NT5C2: variants seen among roughly 807,000 people sequenced by gnomAD.
NT5C2 encodes the protein 5'-nucleotidase, cytosolic II.
NT5C2 carries 58 observed loss-of-function variants against 76.1 expected under a neutral mutation model. That is an observed-to-expected ratio of 0.76 (90% CI 0.62 to 0.95). The LOEUF (loss-of-function observed/expected upper bound fraction) is 0.95, where lower values mean the gene tolerates loss of function less well. NT5C2 is among the 40% of genes least tolerant of loss of function. NT5C2 has a pLI of 0.00. For missense variants in NT5C2, 478 were observed against 690.3 expected (o/e 0.69, Z 3.45); for synonymous variants, 229 against 237.4 (o/e 0.96, Z 0.32).
Position 103,103,083 on chromosome 10 carries a change from G to A in NT5C2, c.390-1757C>T, listed in dbSNP as rs186923962. The stretch of plus-strand genomic sequence containing the variant: ...AAAACATTTCAGAGAAACTCAAAGG[G>A]AAAAATACTAAAATATAAAAATGCA... On this transcript the variant is annotated intron_variant, in intron 6 of 18. Coordinates refer to ENST00000404739, the MANE Select transcript of NT5C2 (RefSeq NM_001351169.2). Among the ~76,000 whole-genome samples, 9 of 152,218 alleles carry A rather than the reference G, an allele frequency of 5.9e-5. No homozygotes were observed. In the East Asian group the frequency reaches 1.7e-3, roughly 29 times the overall value.
intron 1 of NT5C2, among the ~76,000 whole-genome samples, chr10:103,184,716 G>A (rs996360070): frequency 6.6e-6 from 1 of 152,144 alleles, no homozygotes; most frequent in Non-Finnish European, 1.5e-5. Context: ...ATGAATCTTT[G>A]TGAAATCTTA....
intron 2 of NT5C2, among the ~76,000 whole-genome samples, chr10:103,178,666 A>ACTAAATACAAAAAATTAGCTGGG (rs1169842053): frequency 2.6e-5 from 4 of 151,556 alleles, no homozygotes; most frequent in Non-Finnish European, 5.9e-5. Context: ...CCCCGTCTCT[A>ACTAAATACAAAAAATTAGCTGGG]CTAAATACAA....
At chr10:103,155,120 T>C (rs2083094111) in intron 3 of NT5C2, among the ~76,000 whole-genome samples, 1 of 152,214 alleles carries the variant, frequency 6.6e-6, no homozygotes, top group South Asian at 2.1e-4. Flanking sequence ...AATGTCTGTG[T>C]GCCAGATACC....
chr10:103,184,118 A>G (rs779091541), intron 1 of NT5C2, among the ~76,000 whole-genome samples: 3 of 151,980 alleles, frequency 2.0e-5, no homozygotes, highest in Admixed American at 1.3e-4. Context: ...ACGCCCGGCT[A>G]ATTTTGTATT....
intron 3 of NT5C2, among the ~76,000 whole-genome samples, chr10:103,171,471 T>G (rs1293091133): frequency 6.6e-6 from 1 of 152,196 alleles, no homozygotes; most frequent in African/African-American, 2.4e-5. Context: ...CAGAAACAGC[T>G]AAGTGATTAA....
intron 3 of NT5C2, among the ~76,000 whole-genome samples, chr10:103,166,818 A>C (rs1394628861): frequency 6.6e-6 from 1 of 152,094 alleles, no homozygotes; most frequent in East Asian, 1.9e-4. Flanking sequence ...ATACTCAGCT[A>C]ATCTTTTTAC....
Position 103,095,977 on chromosome 10 carries a change from T to G in NT5C2, c.775A>C (p.Ile259Leu). Residue 259 changes from isoleucine to leucine, a missense_variant, in exon 12 of 19, where the codon ATT (isoleucine) becomes CTT (leucine). Transcript: ENST00000404739. Reference protein sequence around the residue: ...TNSDYKYTDKIMTYLFDFPHG... With the variant: ...TNSDYKYTDKLMTYLFDFPHG... ...GGGAAGTCAAACAGGTAAGTCATAA[T>G]TTTCTGGAAAAAAAAATTTAACATA... is the stretch of plus-strand genomic sequence containing the variant. 6.2e-7 allele frequency: 1 copy of G among 1,613,560 alleles called. No homozygotes were observed. Among genetic ancestry groups the G allele is most frequent in the Non-Finnish European group, 8.5e-7 (1 of 1,179,578 alleles).
chr10:103,159,930 A>G (rs1190028830), intron 3 of NT5C2, among the ~76,000 whole-genome samples: 2 of 152,190 alleles, frequency 1.3e-5, no homozygotes. Flanking sequence ...TCATATGGAT[A>G]TAGAAGGGCA....
intron 3 of NT5C2, among the ~76,000 whole-genome samples, chr10:103,156,677 C>T (rs2083464950): frequency 6.6e-6 from 1 of 151,534 alleles, no homozygotes; most frequent in Non-Finnish European, 1.5e-5. Flanking sequence ...ATCACTTGAA[C>T]CCAGGAGGCG....
intron 3 of NT5C2, among the ~76,000 whole-genome samples, chr10:103,163,221 G>A (rs527884682): frequency 1.3e-5 from 2 of 152,156 alleles, no homozygotes; most frequent in Non-Finnish European, 2.9e-5. Context: ...TCAGTTTTGA[G>A]CAATTATAAA....
chr10:103,182,131 A>G (rs1037097672), intron 1 of NT5C2, among the ~76,000 whole-genome samples: 11 of 152,316 alleles, frequency 7.2e-5, no homozygotes, highest in Admixed American at 3.9e-4. Context: ...GTCATTTTAC[A>G]TGTCTGTTTC....
chr10:103,189,682 AT>A (rs983180088), intron 1 of NT5C2, among the ~76,000 whole-genome samples: 114 of 146,224 alleles, frequency 7.8e-4, no homozygotes, highest in East Asian at 2.6e-3. Flanking sequence ...TGTTTACTGA[AT>A]TTTTTTTTTT....
At chr10:103,187,904 C>T (rs924346447) in intron 1 of NT5C2, among the ~76,000 whole-genome samples, 1 of 152,140 alleles carries the variant, frequency 6.6e-6, no homozygotes, top group Non-Finnish European at 1.5e-5. Flanking sequence ...AATATTTACA[C>T]TAAAATGAAT....
At chr10:103,149,835 C>T (rs1565189642) in intron 3 of NT5C2, among the ~76,000 whole-genome samples, 1 of 150,416 alleles carries the variant, frequency 6.6e-6, no homozygotes, top group African/African-American at 2.4e-5. Flanking sequence ...TGGCCTTTTA[C>T]CTAAACGACA....
intron 1 of NT5C2, among the ~76,000 whole-genome samples, chr10:103,189,740 C>T (rs2092461061): frequency 6.7e-6 from 1 of 150,160 alleles, no homozygotes; most frequent in South Asian, 2.1e-4. Flanking sequence ...ACGATATAGG[C>T]TCACTGCAAC....
chr10:103,186,032 C>T lies in NT5C2; in HGVS notation c.-168-4704G>A, dbSNP rs190546220. Reference sequence around the variant, plus strand: ...TTAACTCACTGACTTTTCAGAACAACCCTATATGTTAGGTACTATTATCCT... The same window carrying T: ...TTAACTCACTGACTTTTCAGAACAATCCTATATGTTAGGTACTATTATCCT... On this transcript the variant is annotated intron_variant, in intron 1 of 18. Coordinates refer to ENST00000404739, the MANE Select transcript of NT5C2 (RefSeq NM_001351169.2). Among the ~76,000 whole-genome samples, 82 of 152,262 alleles carry T rather than the reference C, an allele frequency of 5.4e-4. No homozygotes were observed. In the South Asian group the frequency reaches 0.01, roughly 19 times the overall value.
intron 4 of NT5C2, among the ~76,000 whole-genome samples, chr10:103,136,841 G>A (rs2079379828): frequency 6.6e-6 from 1 of 152,038 alleles, no homozygotes; most frequent in African/African-American, 2.4e-5. Flanking sequence ...GGGCAGGCTG[G>A]TCTCGAACTC....
intron 18 of NT5C2, chr10:103,090,270 T>A: frequency 5.8e-6 from 2 of 341,914 alleles, no homozygotes; most frequent in Non-Finnish European, 1.1e-5. Context: ...CAGGCTGGAG[T>A]ACAGTGGAGC....
intron 1 of NT5C2, among the ~76,000 whole-genome samples, chr10:103,181,621 C>T (rs1319680912): frequency 1.3e-5 from 2 of 152,158 alleles, no homozygotes; most frequent in Non-Finnish European, 2.9e-5. Context: ...CCCATAATTA[C>T]CTCATTACTT....
Sources: gnomAD v4.1 joint callset for allele counts (sites outside exome capture counted in the v4.1 genomes callset) on GRCh38, gnomAD v4.1.1 for gene constraint, MANE v1.5 for transcripts, NCBI Gene and HGNC (gene_info 2026-07-23, HGNC 2026-07-21) for gene names.